POU2AF2: variants seen among roughly 807,000 people sequenced by gnomAD.
POU2AF2 encodes the protein POU domain class 2-associating factor 2.
At chr11:111,275,744 A>G in the POU2AF2 span, among the ~76,000 whole-genome samples, 1 of 152,234 alleles carries the variant, frequency 6.6e-6, no homozygotes, top group African/African-American at 2.4e-5. Context: ...CACAAAATAC[A>G]TAACACTTAA....
the POU2AF2 span, among the ~76,000 whole-genome samples, chr11:111,247,076 G>A: frequency 6.6e-6 from 1 of 151,484 alleles, no homozygotes; most frequent in Non-Finnish European, 1.5e-5. Context: ...TTTCTTCCCT[G>A]TCTGGCTTGT....
the POU2AF2 span, among the ~76,000 whole-genome samples, chr11:111,246,912 A>G: frequency 6.6e-6 from 1 of 152,290 alleles, no homozygotes; most frequent in South Asian, 2.1e-4. Context: ...ATATCTCTAG[A>G]GTTTCATCCT....
the POU2AF2 span, among the ~76,000 whole-genome samples, chr11:111,264,570 A>G: frequency 0.021 from 662 of 32,222 alleles, 78 homozygotes; most frequent in African/African-American, 0.089. Context: ...GAAAGAAAGA[A>G]AGAAAGGGAG....
chr11:111,266,459 T>G, the POU2AF2 span, among the ~76,000 whole-genome samples: 1 of 152,140 alleles, frequency 6.6e-6, no homozygotes, highest in Non-Finnish European at 1.5e-5. Flanking sequence ...TTTTGCAATC[T>G]GAGTTAGCCA....
At chr11:111,276,990 T>G in the POU2AF2 span, among the ~76,000 whole-genome samples, 1 of 152,208 alleles carries the variant, frequency 6.6e-6, no homozygotes, top group Non-Finnish European at 1.5e-5. Flanking sequence ...TAATTCAAAT[T>G]AGTAAATCTA....
At chr11:111,282,249 T>C in the POU2AF2 span, among the ~76,000 whole-genome samples, 1 of 152,240 alleles carries the variant, frequency 6.6e-6, no homozygotes, top group African/African-American at 2.4e-5. Context: ...GATGAGAGCC[T>C]GGAAACCTTG....
At chr11:111,276,844 G>C in the POU2AF2 span, among the ~76,000 whole-genome samples, 1 of 150,980 alleles carries the variant, frequency 6.6e-6, no homozygotes, top group East Asian at 1.9e-4. Flanking sequence ...CAGATAAATA[G>C]AAATTGAAAG....
the POU2AF2 span, among the ~76,000 whole-genome samples, chr11:111,247,212 A>AGAGAGC: frequency 2.0e-5 from 3 of 151,626 alleles, no homozygotes; most frequent in Non-Finnish European, 4.4e-5. Context: ...AGAGAGAGAG[A>AGAGAGC]GAGAGAGACC....
At chr11:111,281,753 A>T in the POU2AF2 span, among the ~76,000 whole-genome samples, 2 of 152,346 alleles carry the variant, frequency 1.3e-5, no homozygotes, top group South Asian at 4.1e-4. Context: ...ATCTGCTTTC[A>T]AACAGAAAGG....
At chr11:111,263,796 G>T in the POU2AF2 span, among the ~76,000 whole-genome samples, 15 of 152,218 alleles carry the variant, frequency 9.9e-5, no homozygotes, top group Non-Finnish European at 4.4e-5. Context: ...AGATCCAGAT[G>T]ACCTGAATTC....
the POU2AF2 span, among the ~76,000 whole-genome samples, chr11:111,249,678 T>A: frequency 6.6e-6 from 1 of 152,228 alleles, no homozygotes; most frequent in Admixed American, 6.5e-5. Flanking sequence ...AGGCGTTTCA[T>A]TTATTTCATA....
the POU2AF2 span, among the ~76,000 whole-genome samples, chr11:111,267,527 G>T: frequency 1.3e-5 from 2 of 152,148 alleles, no homozygotes; most frequent in Non-Finnish European, 2.9e-5. Flanking sequence ...TTTCTTTTCT[G>T]AATATCGGCA....
At chr11:111,257,043 A>G in the POU2AF2 span, among the ~76,000 whole-genome samples, 1 of 152,240 alleles carries the variant, frequency 6.6e-6, no homozygotes, top group Non-Finnish European at 1.5e-5. Context: ...TAAAATGGCA[A>G]TATCATTTGG....
the POU2AF2 span, among the ~76,000 whole-genome samples, chr11:111,276,453 A>AAAAAAAAAAAAAAATAT: frequency 8.0e-5 from 3 of 37,664 alleles, no homozygotes; most frequent in African/African-American, 2.9e-4. Flanking sequence ...AAAAAAAAAA[A>AAAAAAAAAAAAAAATAT]ATATATATAT....
At chr11:111,271,215 C>T in the POU2AF2 span, among the ~76,000 whole-genome samples, 4 of 151,886 alleles carry the variant, frequency 2.6e-5, no homozygotes, top group East Asian at 3.9e-4. Context: ...TCCAGCCACT[C>T]GGGAGGCTAA....
the POU2AF2 span, among the ~76,000 whole-genome samples, chr11:111,275,855 T>A: frequency 6.6e-6 from 1 of 152,006 alleles, no homozygotes. Flanking sequence ...ATCATGAATA[T>A]AAAAATTCAA....
At chr11:111,263,964 C>T in the POU2AF2 span, among the ~76,000 whole-genome samples, 1 of 152,180 alleles carries the variant, frequency 6.6e-6, no homozygotes, top group African/African-American at 2.4e-5. Context: ...TCAATCAATG[C>T]CATTGCTATT....
At chr11:111,279,470 G>A in the POU2AF2 span, among the ~76,000 whole-genome samples, 6 of 152,178 alleles carry the variant, frequency 3.9e-5, no homozygotes, top group Admixed American at 3.9e-4. Context: ...CCTCTGGGGA[G>A]AATCCTTCCT....
chr11:111,279,520 A>T, the POU2AF2 span, among the ~76,000 whole-genome samples: 1 of 152,078 alleles, frequency 6.6e-6, no homozygotes, highest in Non-Finnish European at 1.5e-5. Context: ...GTGATCCTCG[A>T]TGTTCCTTGG....
Sources: gnomAD v4.1 joint callset for allele counts (sites outside exome capture counted in the v4.1 genomes callset) on GRCh38, gnomAD v4.1.1 for gene constraint, MANE v1.5 for transcripts, NCBI Gene and HGNC (gene_info 2026-07-23, HGNC 2026-07-21) for gene names.